ZNF138: variants seen among roughly 807,000 people sequenced by gnomAD.
ZNF138 encodes the protein zinc finger protein 138 (clone pHZ-32).
Under a neutral mutation model 33.0 loss-of-function variants are expected in ZNF138, and 33 were observed. The ratio of observed to expected loss-of-function variants is 1.00; its 90% CI spans 0.76 to 1.34. ZNF138 has a LOEUF of 1.34. Among genes scored for constraint, ZNF138 ranks in the 40% most tolerant of loss-of-function variants. ZNF138 has a pLI of 0.00. For missense variants in ZNF138, 360 were observed against 370.8 expected (o/e 0.97, Z 0.24); for synonymous variants, 139 against 120.4 (o/e 1.15, Z -1.01).
intron 1 of ZNF138, among the ~76,000 whole-genome samples, chr7:64,795,315 C>G (rs952415544): frequency 2.0e-5 from 3 of 152,118 alleles, no homozygotes; most frequent in Non-Finnish European, 2.9e-5. Context: ...TTGCCTGCCA[C>G]TTAATTATTT....
intron 3 of ZNF138, chr7:64,831,078 T>C: frequency 6.5e-7 from 1 of 1,548,382 alleles, no homozygotes; most frequent in South Asian, 1.2e-5. Context: ...AATAAAGATG[T>C]ATGTGTTATT....
chr7:64,828,467 A>T (rs1176409658), intron 3 of ZNF138, among the ~76,000 whole-genome samples: 1 of 152,072 alleles, frequency 6.6e-6, no homozygotes, highest in East Asian at 1.9e-4. Context: ...TTTGCATGTT[A>T]TGAAGATTTA....
At chr7:64,854,851 A>C in the ZNF138 span, among the ~76,000 whole-genome samples, 1 of 152,176 alleles carries the variant, frequency 6.6e-6, no homozygotes, top group Non-Finnish European at 1.5e-5. Context: ...AATACAAATA[A>C]TTTTCATGGG....
intron 1 of ZNF138, among the ~76,000 whole-genome samples, chr7:64,806,070 G>A (rs377763503): frequency 6.6e-6 from 1 of 152,164 alleles, no homozygotes; most frequent in East Asian, 1.9e-4. Context: ...TTCTGGTGCT[G>A]GAGAACTCTT....
the ZNF138 span, among the ~76,000 whole-genome samples, chr7:64,839,173 T>A: frequency 6.6e-6 from 1 of 152,228 alleles, no homozygotes; most frequent in African/African-American, 2.4e-5. Context: ...AAGTTGAGTG[T>A]GCCTTCGGGG....
At chr7:64,843,861 T>A in the ZNF138 span, among the ~76,000 whole-genome samples, 1 of 151,998 alleles carries the variant, frequency 6.6e-6, no homozygotes, top group African/African-American at 2.4e-5. Flanking sequence ...GGAGTTTCGC[T>A]GTCACCAGGC....
Position 64,832,724 on chromosome 7 carries a change from G to C in ZNF138, c.*522G>C. 2 of 446,794 alleles carry C rather than the reference G, an allele frequency of 4.5e-6. No individual in the cohort carries two copies. The highest frequency in any genetic ancestry group is 9.0e-6 in the Non-Finnish European group (2 of 221,668). The allele number at this position is 446,794 out of a possible 1,614,324, so 27.7% of individuals were successfully genotyped here. A position where few individuals can be genotyped will look rare whatever the true frequency, so the allele number is the denominator to read the frequency against. On this transcript the variant is annotated 3_prime_UTR_variant, in exon 4 of 4. Transcript: ENST00000307355. ...AGTCCTCAACTCTTACTGCACATAA[G>C]ATCATTCATACTGGAGAGAAACCTT...
chr7:64,842,802 G>A, the ZNF138 span, among the ~76,000 whole-genome samples: 3 of 152,102 alleles, frequency 2.0e-5, no homozygotes, highest in Non-Finnish European at 4.4e-5. Flanking sequence ...TTAATTCTAG[G>A]TAGTTACCTC....
At chr7:64,815,694 CA>C in intron 3 of ZNF138, 41 bp downstream of exon 3, 1 of 1,569,410 alleles carries the variant, frequency 6.4e-7, no homozygotes, top group East Asian at 2.3e-5. Flanking sequence ...GATGAGAGGT[CA>C]AAGGCCAAGG....
intron 3 of ZNF138, among the ~76,000 whole-genome samples, chr7:64,830,190 A>G (rs1032457547): frequency 6.6e-6 from 1 of 152,164 alleles, no homozygotes; most frequent in East Asian, 1.9e-4. Flanking sequence ...AGCTCCCAAG[A>G]TTCTCTTGTC....
chr7:64,831,307 A>G, intron 3 of ZNF138, 144 bp from the exon 4 acceptor site: 2 of 931,858 alleles, frequency 2.1e-6, no homozygotes, highest in Non-Finnish European at 1.6e-6. Flanking sequence ...TTACATTTAT[A>G]TGTCTATAAA....
Position 64,831,710 on chromosome 7 carries a change from A to T in ZNF138, c.468A>T (p.Arg156Ser). Reference protein sequence around the residue: ...KVMHKFSNSNRHKIRHTENKH... With the variant: ...KVMHKFSNSNSHKIRHTENKH... ...TGCATAAATTTTCAAATTCAAATAG[A>T]CACAAGATAAGACATACTGAAAATA... is the stretch of plus-strand genomic sequence containing the variant. Residue 156 changes from arginine (R) to serine (S), a missense_variant, in exon 4 of 4, where the codon AGA (arginine) becomes AGT (serine). Coordinates refer to ENST00000307355, the MANE Select transcript of ZNF138 (RefSeq NM_001271639.2). The T allele has an allele frequency of 6.2e-7, 1 of 1,610,128 alleles. No individual in the cohort carries two copies. The highest frequency in any genetic ancestry group is 8.5e-7 in the Non-Finnish European group (1 of 1,178,620).
Position 64,814,988 on chromosome 7 carries a change from A to G in ZNF138, c.74A>G (p.Gln25Arg). The G allele has an allele frequency of 1.2e-6, 2 of 1,613,476 alleles. No homozygotes were observed. Among genetic ancestry groups the G allele is most frequent in the African/African-American group, 1.3e-5 (1 of 75,008 alleles). Reference protein sequence around the residue: ...LEEWQCLDTAQRNVYRHVMLE... With the variant: ...LEEWQCLDTARRNVYRHVMLE... ...GAGTGGCAGTGCCTGGACACTGCAC[A>G]GCGGAATGTATATAGGCATGTGATG... Residue 25 changes from glutamine to arginine, a missense_variant, in exon 2 of 4, where the codon CAG becomes CGG. By Grantham distance (43) the Gln-to-Arg change is conservative. Coordinates refer to ENST00000307355, the MANE Select transcript of ZNF138 (RefSeq NM_001271639.2).
At chr7:64,835,943 T>C (rs953113004), downstream of ZNF138, 1 of 152,252 alleles carries the variant, frequency 6.6e-6, no homozygotes, top group Non-Finnish European at 1.5e-5. Context: ...AGCAGATGGC[T>C]AAGTTCGTCC....
At chr7:64,809,111 G>C (rs987984020) in intron 1 of ZNF138, among the ~76,000 whole-genome samples, 1 of 115,974 alleles carries the variant, frequency 8.6e-6, no homozygotes, top group Non-Finnish European at 1.9e-5. Context: ...ACACCTCCCA[G>C]ACGGGGTGGT....
Position 64,832,090 on chromosome 7 carries a change from A to C in ZNF138, c.848A>C (p.Gln283Pro), listed in dbSNP as rs1790138161. The part of the protein sequence containing the change: ...HTEEKPYKCE[Q>P]CGKVFKQSPT... ...GAAGAGAAACCCTACAAATGTGAAC[A>C]ATGTGGCAAGGTCTTTAAGCAGTCC... Residue 283 changes from glutamine (Q) to proline (P), a missense_variant, in exon 4 of 4, where the codon CAA (glutamine) becomes CCA (proline). By Grantham distance (76) the Gln-to-Pro change is moderately conservative. Transcript: ENST00000307355. 1.2e-6 allele frequency: 2 copies of C among 1,613,848 alleles called. No individual in the cohort carries two copies. The highest frequency in any genetic ancestry group is 1.7e-6 in the Non-Finnish European group (2 of 1,179,918).
At chr7:64,809,837 C>T (rs1416723208) in intron 1 of ZNF138, among the ~76,000 whole-genome samples, 7 of 120,318 alleles carry the variant, frequency 5.8e-5, no homozygotes, top group African/African-American at 1.9e-4. Flanking sequence ...GGGGCAGAGG[C>T]GCTCCCCACA....
chr7:64,796,937 C>T (rs1786735434), intron 1 of ZNF138, among the ~76,000 whole-genome samples: 1 of 152,144 alleles, frequency 6.6e-6, no homozygotes, highest in Non-Finnish European at 1.5e-5. Flanking sequence ...GTAATCCCAG[C>T]TATTCGGGAG....
At chr7:64,828,908 A>G (rs1388963688) in intron 3 of ZNF138, among the ~76,000 whole-genome samples, 1 of 152,114 alleles carries the variant, frequency 6.6e-6, no homozygotes, top group African/African-American at 2.4e-5. Context: ...TTAAATCTGT[A>G]TATTACATTG....
Sources: gnomAD v4.1 joint callset for allele counts (sites outside exome capture counted in the v4.1 genomes callset) on GRCh38, gnomAD v4.1.1 for gene constraint, MANE v1.5 for transcripts, NCBI Gene and HGNC (gene_info 2026-07-23, HGNC 2026-07-21) for gene names.